SH2D4B: variants seen among roughly 807,000 people sequenced by gnomAD.
SH2D4B encodes the protein SH2 domain-containing protein 4B.
In SH2D4B, 45 loss-of-function variants were observed where a neutral mutation model predicts 61.5. The ratio of observed to expected loss-of-function variants is 0.73; its 90% CI spans 0.58 to 0.94. SH2D4B has a LOEUF of 0.94. SH2D4B is among the 40% of genes least tolerant of loss of function. The pLI is 0.00. For synonymous variants in SH2D4B, 224 were observed against 220.4 expected (o/e 1.02, Z -0.14); for missense variants, 572 against 574.2 (o/e 1.00, Z 0.04).
chr10:80,579,093 G>T (rs567082521), intron 3 of SH2D4B, among the ~76,000 whole-genome samples: 1 of 152,268 alleles, frequency 6.6e-6, no homozygotes, highest in Non-Finnish European at 1.5e-5. Context: ...AGAGAAGGGA[G>T]ATAGGTGGAG....
At chr10:80,581,393 C>T (rs74795602) in intron 3 of SH2D4B, among the ~76,000 whole-genome samples, 1,526 of 152,266 alleles carry the variant, frequency 0.01, 26 homozygotes, top group African/African-American at 0.034. Flanking sequence ...AATTATGTCC[C>T]TGCTAAAATC....
intron 5 of SH2D4B, among the ~76,000 whole-genome samples, chr10:80,606,076 C>G (rs1842516387): frequency 6.6e-6 from 1 of 152,072 alleles, no homozygotes; most frequent in Non-Finnish European, 1.5e-5. Context: ...CTACCAGCCT[C>G]TCTCCTATAG....
Position 80,538,418 on chromosome 10 carries a change from C to A in SH2D4B, c.87C>A (p.Tyr29Ter), listed in dbSNP as rs141893264. 7 of 1,491,230 alleles carry A rather than the reference C, an allele frequency of 4.7e-6. No individual in the cohort carries two copies. The Admixed American group carries it at 1.0e-4, about 21-fold the overall frequency. 92.4% of individuals were successfully genotyped at this position (1,491,230 alleles called of 1,614,324 possible). Residue 29 changes from tyrosine to a stop codon, truncating the protein, a stop_gained, in exon 1 of 8, where the codon TAC (tyrosine) becomes TAA (stop). Transcript: ENST00000646907. LOFTEE classifies it high-confidence loss of function. The surrounding 1 kb of genome is among the most constrained non-coding windows in gnomAD (Gnocchi z 4.8). ...ATGTGCAGAAGCACATCCTCTTCTA[C>A]AAAATGCGGGAGGAGCAGCTGAGGC... ...LSDVQKHILFYKMREEQLRRW... is the reference protein window; with the variant it reads ...LSDVQKHILF
rs1840396228 is a variant in SH2D4B at position 80,646,429 on chromosome 10, T to G, written c.*2344T>G. ...CAATTTCTGCATGTCTCATATATTT[T>G]AGGTTTTACCTTTTTACCTGGCTTT... On this transcript the variant is annotated 3_prime_UTR_variant, in exon 8 of 8. Coordinates refer to ENST00000646907, the MANE Select transcript of SH2D4B (RefSeq NM_001388272.1). 1 of 152,298 alleles carries G rather than the reference T, an allele frequency of 6.6e-6. No individual in the cohort carries two copies. Among genetic ancestry groups the G allele is most frequent in the African/African-American group, 2.4e-5 (1 of 41,462 alleles). The allele number at this position is 152,298 out of a possible 1,614,324, so 9.4% of individuals were successfully genotyped here. A position where few individuals can be genotyped will look rare whatever the true frequency, so the allele number is the denominator to read the frequency against.
At position 80,539,290 on chromosome 10, in the gene SH2D4B, T is replaced by C. The variant is rs186089980; in HGVS notation, c.184+775T>C. Among the ~76,000 whole-genome samples, 20 of 152,342 alleles carry C rather than the reference T, an allele frequency of 1.3e-4. No homozygotes were observed. Among genetic ancestry groups the C allele is most frequent in the African/African-American group, 4.8e-4 (20 of 41,584 alleles). Reference sequence around the variant, plus strand: ...CAGGACTCAATCCTGCCAGGGATTGTAGTTTCTGTGGATGCTGCATGCACT... The same window carrying C: ...CAGGACTCAATCCTGCCAGGGATTGCAGTTTCTGTGGATGCTGCATGCACT... On this transcript the variant is annotated intron_variant, in intron 1 of 7. Coordinates refer to ENST00000646907, the MANE Select transcript of SH2D4B (RefSeq NM_001388272.1). This position sits in a 1 kb window ranked among gnomAD's most constrained non-coding sequence, Gnocchi z 4.9.
intron 1 of SH2D4B, among the ~76,000 whole-genome samples, chr10:80,544,802 C>T (rs1188460950): frequency 1.3e-5 from 2 of 152,238 alleles, no homozygotes; most frequent in African/African-American, 4.8e-5. Context: ...CACGTATCCC[C>T]CTGCCTCGAT....
intron 5 of SH2D4B, 67 bp downstream of exon 5, chr10:80,603,862 G>T: frequency 7.0e-7 from 1 of 1,433,816 alleles, no homozygotes; most frequent in Non-Finnish European, 9.5e-7. Flanking sequence ...GGACACCGGG[G>T]TCCCCGTCCC....
intron 6 of SH2D4B, among the ~76,000 whole-genome samples, chr10:80,615,867 G>A (rs755650973): frequency 1.3e-5 from 2 of 152,146 alleles, no homozygotes; most frequent in African/African-American, 4.8e-5. Context: ...CACCCACTAC[G>A]TAGTAGTGTT....
Position 80,538,302 on chromosome 10 carries a change from C to A in SH2D4B, c.-30C>A, listed in dbSNP as rs746149290. On this transcript the variant is annotated 5_prime_UTR_variant, in exon 1 of 8. Coordinates refer to ENST00000646907, the MANE Select transcript of SH2D4B (RefSeq NM_001388272.1). This position sits in a 1 kb window ranked among gnomAD's most constrained non-coding sequence, Gnocchi z 4.8. ...TGGCCCTGCTTCCCCTGCTGGCTGC[C>A]CTTCTGGTGCGTGCATCCCAGGTGG... The A allele has an allele frequency of 1.6e-6, 2 of 1,287,842 alleles. No homozygotes were observed. The highest frequency in any genetic ancestry group is 6.2e-5 in the East Asian group (2 of 32,320). 79.8% of individuals were successfully genotyped at this position (1,287,842 alleles called of 1,614,324 possible).
intron 5 of SH2D4B, among the ~76,000 whole-genome samples, chr10:80,609,163 A>T (rs1186288622): frequency 6.6e-6 from 1 of 152,178 alleles, no homozygotes; most frequent in Non-Finnish European, 1.5e-5. Flanking sequence ...TTAAATAAAT[A>T]ATAACAGATG....
chr10:80,620,033 TGA>T, intron 6 of SH2D4B, among the ~76,000 whole-genome samples: 1 of 152,364 alleles, frequency 6.6e-6, no homozygotes, highest in Admixed American at 6.5e-5. Flanking sequence ...AGCAGTCTGC[TGA>T]GAGACTTCAG....
At chr10:80,632,778 A>C (rs1842847422) in intron 6 of SH2D4B, among the ~76,000 whole-genome samples, 1 of 151,936 alleles carries the variant, frequency 6.6e-6, no homozygotes, top group African/African-American at 2.4e-5. Flanking sequence ...GAAGCCCCCA[A>C]GGCCTTCTGG....
At chr10:80,624,602 T>A (rs1301420940) in intron 6 of SH2D4B, among the ~76,000 whole-genome samples, 2 of 152,230 alleles carry the variant, frequency 1.3e-5, no homozygotes, top group East Asian at 3.8e-4. Context: ...TGGCTACATG[T>A]TAGAATCAAC....
intron 1 of SH2D4B, among the ~76,000 whole-genome samples, chr10:80,556,289 G>A (rs1260034411): frequency 6.6e-6 from 1 of 152,180 alleles, no homozygotes. Context: ...CATTGATTGT[G>A]TATGTCTACT....
chr10:80,579,593 T>G (rs1288593947), intron 3 of SH2D4B, among the ~76,000 whole-genome samples: 1 of 151,936 alleles, frequency 6.6e-6, no homozygotes, highest in East Asian at 1.9e-4. Context: ...CCCTCCCTCC[T>G]CCCACTCCCA....
chr10:80,608,948 C>T (rs1842555600), intron 5 of SH2D4B, among the ~76,000 whole-genome samples: 1 of 152,130 alleles, frequency 6.6e-6, no homozygotes, highest in Admixed American at 6.5e-5. Context: ...GGGGACAAGA[C>T]CCAGAATTGT....
intron 3 of SH2D4B, among the ~76,000 whole-genome samples, chr10:80,572,971 TA>T (rs1564771936): frequency 2.1e-3 from 20 of 9,554 alleles, no homozygotes; most frequent in East Asian, 3.9e-3. Context: ...TATATATATA[TA>T]TATATATATA....
chr10:80,628,985 G>A (rs886614153), intron 6 of SH2D4B, among the ~76,000 whole-genome samples: 1 of 149,634 alleles, frequency 6.7e-6, no homozygotes, highest in African/African-American at 2.5e-5. Flanking sequence ...AGCCGAGATC[G>A]TGTCACTGCA....
intron 6 of SH2D4B, among the ~76,000 whole-genome samples, chr10:80,611,227 G>A (rs935474237): frequency 5.4e-5 from 8 of 147,094 alleles, no homozygotes; most frequent in African/African-American, 2.0e-4. Context: ...ATGACAGAGG[G>A]AAATGAGAGA....
Sources: gnomAD v4.1 joint callset for allele counts (sites outside exome capture counted in the v4.1 genomes callset) on GRCh38, gnomAD v4.1.1 for gene constraint, Gnocchi (gnomAD v3.1) non-coding constraint, MANE v1.5 for transcripts, NCBI Gene and HGNC (gene_info 2026-07-23, HGNC 2026-07-21) for gene names.